KANSL1: variants seen among roughly 807,000 people sequenced by gnomAD.
KANSL1 encodes the protein MLL1/MLL complex subunit KANSL1.
A neutral mutation model predicts 103.6 loss-of-function variants in KANSL1; 22 were observed. The observed-to-expected ratio is 0.21, with a 90% confidence interval of 0.15 to 0.30. The LOEUF is 0.30. KANSL1 is among the 10% of genes least tolerant of loss of function. KANSL1 has a pLI of 1.00. For missense variants in KANSL1, 1,337 were observed against 1,399.8 expected (o/e 0.96, Z 0.72); for synonymous variants, 600 against 527.6 (o/e 1.14, Z -1.88).
Position 46,031,495 on chromosome 17 carries a change from T to C in KANSL1, c.3299A>G (p.Gln1100Arg), listed in dbSNP as rs753191139. ...SRHLVAAATA[Q>R]RPTHR ...TCCCGCTCATCTGTGAGTCGGGCGC[T>C]GAGCTGTGGCTGCTGCCACCAGATG... The change falls in exon 15 of 15, where the codon CAG (glutamine) becomes CGG (arginine). Residue 1100 changes from glutamine to arginine, a missense_variant. By Grantham distance (43) the Gln-to-Arg change is conservative. Coordinates refer to ENST00000432791, the MANE Select transcript of KANSL1 (RefSeq NM_015443.4). 6.2e-7 allele frequency: 1 copy of C among 1,612,562 alleles called. No individual in the cohort carries two copies. The highest frequency in any genetic ancestry group is 8.5e-7 in the Non-Finnish European group (1 of 1,179,096).
At chr17:46,113,833 T>C (rs573923732) in intron 2 of KANSL1, among the ~76,000 whole-genome samples, 1 of 152,276 alleles carries the variant, frequency 6.6e-6, no homozygotes, top group East Asian at 1.9e-4. Context: ...AACATTCACA[T>C]AGACTTTGTA....
chr17:46,187,740 G>A (rs568230929), intron 1 of KANSL1, among the ~76,000 whole-genome samples: 2 of 152,310 alleles, frequency 1.3e-5, no homozygotes, highest in Admixed American at 6.5e-5. Context: ...CTACTAAATG[G>A]GGAAGGTCTA....
chr17:46,127,450 G>A (rs1490188037), intron 2 of KANSL1, among the ~76,000 whole-genome samples: 5 of 152,154 alleles, frequency 3.3e-5, no homozygotes, highest in Non-Finnish European at 5.9e-5. Flanking sequence ...ACCAGATCCC[G>A]CTCCGGCAAC....
chr17:46,161,772 C>T (rs1403717071), intron 2 of KANSL1, among the ~76,000 whole-genome samples: 19 of 152,192 alleles, frequency 1.2e-4, no homozygotes, highest in African/African-American at 4.1e-4. Context: ...CCATTTCCCC[C>T]GCCCCCAAAA....
intron 2 of KANSL1, among the ~76,000 whole-genome samples, chr17:46,097,240 C>G (rs964102284): frequency 9.9e-5 from 15 of 152,048 alleles, no homozygotes; most frequent in African/African-American, 3.1e-4. Flanking sequence ...AATCTAAGAA[C>G]ACAATGTTGA....
chr17:46,171,502 G>A lies in KANSL1; in HGVS notation c.642C>T (p.Ser214=), dbSNP rs777588703. Residue 214 remains serine, a synonymous_variant, in exon 2 of 15, where the codon AGC becomes AGT. Coordinates refer to ENST00000432791, the MANE Select transcript of KANSL1 (RefSeq NM_015443.4). ...ACAAAGTTGTGTGTTCTACATCAAG[G>A]CTTCTATGTGGAAGAGTGCAATTGG... is the stretch of plus-strand genomic sequence containing the variant. ...GMTNCTLPHR[S]LDVEHTTLYS... The A allele has an allele frequency of 1.2e-6, 2 of 1,614,056 alleles. No homozygotes were observed. Among genetic ancestry groups the A allele is most frequent in the Non-Finnish European group, 1.7e-6 (2 of 1,180,012 alleles).
intron 1 of KANSL1, among the ~76,000 whole-genome samples, chr17:46,182,957 T>C (rs1255380442): frequency 1.3e-5 from 2 of 152,188 alleles, no homozygotes; most frequent in East Asian, 3.9e-4. Flanking sequence ...CCAATAAATA[T>C]TAAAATGCCT....
At chr17:46,184,891 G>T (rs1052999147) in intron 1 of KANSL1, among the ~76,000 whole-genome samples, 2 of 148,344 alleles carry the variant, frequency 1.3e-5, no homozygotes, top group Non-Finnish European at 3.0e-5. Context: ...CCGGGCTGGA[G>T]TGCAGCGGCA....
chr17:46,100,292 C>T (rs2042251480), intron 2 of KANSL1, among the ~76,000 whole-genome samples: 1 of 152,016 alleles, frequency 6.6e-6, no homozygotes, highest in Non-Finnish European at 1.5e-5. Flanking sequence ...AAAAAATTAT[C>T]CAGACGTAGT....
chr17:46,077,032 G>C (rs370939251), intron 4 of KANSL1, among the ~76,000 whole-genome samples: 1 of 151,864 alleles, frequency 6.6e-6, no homozygotes, highest in African/African-American at 2.4e-5. Context: ...TTGCAATATT[G>C]CATTAGCCAA....
intron 4 of KANSL1, among the ~76,000 whole-genome samples, chr17:46,071,991 C>CT (rs2078596895): frequency 1.3e-5 from 2 of 149,644 alleles, no homozygotes; most frequent in Non-Finnish European, 3.0e-5. Context: ...CACCCCTCCC[C>CT]CCGCCCCGAT....
At chr17:46,126,337 G>A (rs920940154) in intron 2 of KANSL1, among the ~76,000 whole-genome samples, 5 of 152,128 alleles carry the variant, frequency 3.3e-5, no homozygotes, top group African/African-American at 1.2e-4. Flanking sequence ...AGCTACTCGG[G>A]AAGCTGAGAC....
At chr17:46,126,447 A>G (rs1297400719) in intron 2 of KANSL1, among the ~76,000 whole-genome samples, 1 of 152,064 alleles carries the variant, frequency 6.6e-6, no homozygotes. Context: ...TCTCAAAAAA[A>G]AAGTAAAAGT....
At chr17:46,179,272 T>C (rs2046671106) in intron 1 of KANSL1, among the ~76,000 whole-genome samples, 1 of 152,312 alleles carries the variant, frequency 6.6e-6, no homozygotes, top group Admixed American at 6.5e-5. Context: ...TCCAGCTGCT[T>C]CAAATACTGT....
At chr17:46,102,520 A>C (rs775288023) in intron 2 of KANSL1, among the ~76,000 whole-genome samples, 4 of 152,156 alleles carry the variant, frequency 2.6e-5, no homozygotes, top group Non-Finnish European at 5.9e-5. Context: ...AAAGTGCTGC[A>C]GTTACAGGTG....
chr17:46,108,323 A>G (rs929686431), intron 2 of KANSL1, among the ~76,000 whole-genome samples: 2 of 152,136 alleles, frequency 1.3e-5, no homozygotes, highest in Non-Finnish European at 2.9e-5. Flanking sequence ...TGTCACCCAC[A>G]GGACCTTTTA....
intron 1 of KANSL1, among the ~76,000 whole-genome samples, chr17:46,172,437 AG>A (rs2046334232): frequency 6.6e-6 from 1 of 152,244 alleles, no homozygotes; most frequent in Non-Finnish European, 1.5e-5. Flanking sequence ...GCACAAGGGA[AG>A]GAAGAATTGC....
chr17:46,111,453 C>T (rs1456436262), intron 2 of KANSL1, among the ~76,000 whole-genome samples: 1 of 152,114 alleles, frequency 6.6e-6, no homozygotes, highest in South Asian at 2.1e-4. Context: ...CAGATGATCC[C>T]CCTGCCTCCA....
chr17:46,084,075 C>T (rs8079695), intron 3 of KANSL1, among the ~76,000 whole-genome samples: 23,715 of 147,464 alleles, frequency 0.16, 2,672 homozygotes, highest in East Asian at 0.42. Flanking sequence ...ACACTTAGCC[C>T]GTATCAAAAA....
Sources: allele counts gnomAD v4.1 joint callset (sites outside exome capture counted in the v4.1 genomes callset), GRCh38; gene constraint gnomAD v4.1.1; transcripts MANE v1.5; gene names NCBI Gene and HGNC (gene_info 2026-07-23, HGNC 2026-07-21).